The following CHLSN variants were observed in gnomAD, a reference collection of about 807,000 sequenced individuals.
CHLSN encodes protein cholesin.
the CHLSN span, among the ~76,000 whole-genome samples, chr7:1,122,381 G>A: frequency 7.9e-5 from 12 of 152,228 alleles, no homozygotes; most frequent in African/African-American, 2.2e-4. Context: ...GCAGGGAGGC[G>A]GCCAGGTCAT....
chr7:1,118,799 CAAAAAAAA>C, the CHLSN span, among the ~76,000 whole-genome samples: 46 of 76,230 alleles, frequency 6.0e-4, no homozygotes, highest in Middle Eastern at 9.1e-3. Flanking sequence ...CCATCTCTAC[CAAAAAAAA>C]AAAAAAAAAA....
chr7:1,032,211 A>G, the CHLSN span, among the ~76,000 whole-genome samples: 1 of 152,202 alleles, frequency 6.6e-6, no homozygotes. Context: ...GGCTGCCCCA[A>G]CACGTCCCTC....
the CHLSN span, among the ~76,000 whole-genome samples, chr7:979,269 C>CA: frequency 6.6e-6 from 1 of 152,272 alleles, no homozygotes; most frequent in East Asian, 1.9e-4. Context: ...ATGTTTCGGG[C>CA]CTCAGCTTAT....
At chr7:1,071,200 A>G in the CHLSN span, among the ~76,000 whole-genome samples, 4 of 152,254 alleles carry the variant, frequency 2.6e-5, no homozygotes, top group Non-Finnish European at 5.9e-5. Context: ...AATTTAAGTC[A>G]ATCTTTTAAT....
the CHLSN span, among the ~76,000 whole-genome samples, chr7:1,038,669 C>T: frequency 7.8e-6 from 1 of 127,982 alleles, no homozygotes; most frequent in Admixed American, 7.3e-5. Flanking sequence ...GGGGGTCAGC[C>T]CCCCGCCTGG....
the CHLSN span, chr7:1,024,482 C>T: frequency 1.3e-5 from 2 of 152,246 alleles, no homozygotes; most frequent in African/African-American, 4.8e-5. Flanking sequence ...CCCCAGGTGC[C>T]TTTGGTGGCC....
chr7:1,046,290 G>A, the CHLSN span, among the ~76,000 whole-genome samples: 43 of 152,298 alleles, frequency 2.8e-4, no homozygotes, highest in East Asian at 6.9e-3. Flanking sequence ...CAACCACAGC[G>A]AGGTCTTGCC....
chr7:1,084,012 G>T, the CHLSN span, among the ~76,000 whole-genome samples: 8 of 152,258 alleles, frequency 5.3e-5, no homozygotes, highest in Non-Finnish European at 1.2e-4. Flanking sequence ...CCCCAGGCCG[G>T]AATGGAACAG....
chr7:1,020,521 T>C, the CHLSN span, among the ~76,000 whole-genome samples: 6 of 152,184 alleles, frequency 3.9e-5, no homozygotes, highest in Non-Finnish European at 7.4e-5. Context: ...GTCTGGCGGA[T>C]ACCACACACA....
the CHLSN span, among the ~76,000 whole-genome samples, chr7:1,087,826 CAGG>C: frequency 2.6e-5 from 4 of 152,232 alleles, no homozygotes; most frequent in Non-Finnish European, 5.9e-5. Flanking sequence ...TGCTTCAACC[CAGG>C]AGGACAGGTT....
chr7:1,026,681 G>A, the CHLSN span: 14 of 152,288 alleles, frequency 9.2e-5, no homozygotes, highest in African/African-American at 3.4e-4. Flanking sequence ...TTTAAAAAAC[G>A]TATGGGAACC....
At chr7:1,092,424 G>C in the CHLSN span, 3 of 1,609,012 alleles carry the variant, frequency 1.9e-6, no homozygotes, top group African/African-American at 2.7e-5. Context: ...TCATCGGCCT[G>C]TGCTACTCCC....
At chr7:987,414 G>A in the CHLSN span, 1 of 1,594,616 alleles carries the variant, frequency 6.3e-7, no homozygotes, top group Non-Finnish European at 8.5e-7. Context: ...AGGACCAGCA[G>A]GCTCTGCCCT....
chr7:1,058,407 T>C, the CHLSN span: 2 of 780,708 alleles, frequency 2.6e-6, no homozygotes, highest in South Asian at 1.3e-5. Flanking sequence ...TCTCTACCGC[T>C]ACATGAACCA....
chr7:1,100,770 T>TA, the CHLSN span, among the ~76,000 whole-genome samples: 539 of 143,914 alleles, frequency 3.7e-3, 3 homozygotes, highest in East Asian at 8.9e-3. Context: ...TTCTTGTGGT[T>TA]AAAAAAAAAA....
chr7:1,007,267 C>A, the CHLSN span, among the ~76,000 whole-genome samples: 2 of 152,254 alleles, frequency 1.3e-5, no homozygotes, highest in East Asian at 1.9e-4. Flanking sequence ...CATAAGATGG[C>A]CATGGGCCAC....
At chr7:1,057,704 C>T in the CHLSN span, 16 of 775,188 alleles carry the variant, frequency 2.1e-5, no homozygotes, top group Middle Eastern at 4.6e-4. Flanking sequence ...CCATGCCGGA[C>T]GTGTACTTTG....
the CHLSN span, among the ~76,000 whole-genome samples, chr7:1,102,056 A>G: frequency 1.3e-5 from 2 of 152,368 alleles, no homozygotes; most frequent in African/African-American, 4.8e-5. Flanking sequence ...GCTGGGCAGC[A>G]TGTCCGCTGA....
At chr7:1,136,388 A>G in the CHLSN span, among the ~76,000 whole-genome samples, 9 of 36,188 alleles carry the variant, frequency 2.5e-4, no homozygotes, top group Non-Finnish European at 4.0e-4. Flanking sequence ...AAATATATAA[A>G]CATATATATA....
Sources: gnomAD v4.1 joint callset for allele counts (sites outside exome capture counted in the v4.1 genomes callset) on GRCh38, gnomAD v4.1.1 for gene constraint, MANE v1.5 for transcripts, NCBI Gene and HGNC (gene_info 2026-07-23, HGNC 2026-07-21) for gene names.